Variants in TRHDE observed in about 807,000 individuals in gnomAD.
TRHDE encodes thyrotropin-releasing hormone-degrading ectoenzyme.
A neutral mutation model predicts 125.7 loss-of-function variants in TRHDE; 72 were observed. That is an observed-to-expected ratio of 0.57 (90% CI 0.47 to 0.70). TRHDE has a LOEUF of 0.70. Ranked by LOEUF, TRHDE falls within the 30% of genes least tolerant of loss-of-function variation. The probability of loss-of-function intolerance (pLI) is 0.00; values close to 1 mark genes in which losing one functional copy is unlikely to be tolerated. For missense variants in TRHDE, 1,110 were observed against 1,327.1 expected, an observed-to-expected ratio of 0.84 and a Z score of 2.54; for synonymous variants, 509 against 509.1, an observed-to-expected ratio of 1.00 and a Z score of 0.00.
At chr12:72,360,912 G>A (rs11179172) in intron 2 of TRHDE, among the ~76,000 whole-genome samples, 15,281 of 151,546 alleles carry the variant, frequency 0.1, 1,231 homozygotes, top group East Asian at 0.48. Context: ...GTGGTTTGCT[G>A]CACCTATCAA....
chr12:72,624,372 G>T (rs930733089), intron 15 of TRHDE, among the ~76,000 whole-genome samples: 6 of 151,774 alleles, frequency 4.0e-5, no homozygotes, highest in Admixed American at 2.6e-4. Flanking sequence ...GAATACTAGA[G>T]GTAATGTAGT....
chr12:72,445,140 T>C (rs1592450096), intron 3 of TRHDE, among the ~76,000 whole-genome samples: 1 of 151,836 alleles, frequency 6.6e-6, no homozygotes, highest in African/African-American at 2.4e-5. Flanking sequence ...TATCAGACAT[T>C]GAGCATGTTG....
chr12:72,100,962 G>A (rs1444359122), intron 1 of TRHDE, among the ~76,000 whole-genome samples: 5 of 152,186 alleles, frequency 3.3e-5, no homozygotes, highest in Non-Finnish European at 2.9e-5. Context: ...TCTTCTGGAT[G>A]CAAATAAAGC....
intron 15 of TRHDE, among the ~76,000 whole-genome samples, chr12:72,634,240 C>T (rs1183616091): frequency 6.6e-6 from 1 of 152,022 alleles, no homozygotes; most frequent in Non-Finnish European, 1.5e-5. Flanking sequence ...GCTTCATTAG[C>T]AGCAGACAAG....
intron 3 of TRHDE, among the ~76,000 whole-genome samples, chr12:72,423,006 G>A (rs376074720): frequency 6.2e-4 from 94 of 152,204 alleles, no homozygotes; most frequent in African/African-American, 2.2e-3. Context: ...TATTATAGCA[G>A]CAGAAAATGT....
chr12:72,173,431 G>A (rs1876919588), intron 2 of TRHDE, among the ~76,000 whole-genome samples: 1 of 152,126 alleles, frequency 6.6e-6, no homozygotes. Flanking sequence ...ATTCATAACA[G>A]GAGAAAGATG....
intron 2 of TRHDE, among the ~76,000 whole-genome samples, chr12:72,183,231 G>T (rs559763395): frequency 9.9e-4 from 151 of 152,242 alleles, no homozygotes; most frequent in African/African-American, 3.4e-3. Context: ...TTATGTACCC[G>T]ATAATCTTGA....
rs531524307 is a variant in TRHDE, at chr12:72,639,493, C to A, written c.2676-12829C>A. Among the ~76,000 whole-genome samples the A allele has an allele frequency of 5.3e-5, 8 of 152,336 alleles. No individual in the cohort carries two copies. In the South Asian group the frequency reaches 1.7e-3, roughly 32 times the overall value. On this transcript the variant is annotated intron_variant, in intron 15 of 18. Transcript: ENST00000261180. ...GAGTAATTTGATCATCTGAAGCCTT[C>A]TCTCAGCTCATCAAAGTCATTCTCC...
chr12:72,448,105 T>A (rs1875389143), intron 3 of TRHDE, among the ~76,000 whole-genome samples: 1 of 152,072 alleles, frequency 6.6e-6, no homozygotes, highest in Admixed American at 6.6e-5. Flanking sequence ...TGTTTCACTA[T>A]CTCCTTGCAG....
chr12:72,147,056 A>T (rs1275471329), intron 2 of TRHDE, among the ~76,000 whole-genome samples: 1 of 151,718 alleles, frequency 6.6e-6, no homozygotes, highest in East Asian at 1.9e-4. Flanking sequence ...CTGCTGCATC[A>T]TTCCGCCATC....
intron 7 of TRHDE, among the ~76,000 whole-genome samples, chr12:72,559,504 T>A (rs1870075730): frequency 6.6e-6 from 1 of 152,210 alleles, no homozygotes; most frequent in African/African-American, 2.4e-5. Flanking sequence ...AATAGAGTTT[T>A]AACTTTTAAT....
intron 3 of TRHDE, among the ~76,000 whole-genome samples, chr12:72,379,443 C>T (rs1872046224): frequency 6.6e-6 from 1 of 152,188 alleles, no homozygotes; most frequent in Admixed American, 6.5e-5. Flanking sequence ...CCCTGGTGGT[C>T]ACCCAAGGCA....
intron 15 of TRHDE, among the ~76,000 whole-genome samples, chr12:72,639,724 A>G (rs1296793676): frequency 6.6e-6 from 1 of 152,098 alleles, no homozygotes; most frequent in East Asian, 1.9e-4. Flanking sequence ...TCTAACAGAC[A>G]GGACCCTCAG....
intron 2 of TRHDE, among the ~76,000 whole-genome samples, chr12:72,374,328 TGTGTGA>T (rs1871774917): frequency 6.7e-6 from 1 of 148,884 alleles, no homozygotes; most frequent in South Asian, 2.1e-4. Flanking sequence ...TGTGTGTGTG[TGTGTGA>T]TATCAGGAGT....
At chr12:72,539,857 A>G (rs767264074) in intron 6 of TRHDE, among the ~76,000 whole-genome samples, 2 of 151,842 alleles carry the variant, frequency 1.3e-5, no homozygotes, top group Non-Finnish European at 2.9e-5. Context: ...TAGTATGTCT[A>G]CTTTTCATAA....
chr12:72,548,540 G>C (rs1050783081), intron 7 of TRHDE, among the ~76,000 whole-genome samples: 3 of 151,558 alleles, frequency 2.0e-5, no homozygotes, highest in African/African-American at 7.3e-5. Context: ...CTGATTCTAC[G>C]TAAGTAGAAT....
intron 2 of TRHDE, among the ~76,000 whole-genome samples, chr12:72,190,578 A>G (rs1199201826): frequency 6.6e-6 from 1 of 152,250 alleles, no homozygotes; most frequent in African/African-American, 2.4e-5. Flanking sequence ...AGTATGGGGA[A>G]GAAATATGTG....
rs368872911 is a variant in TRHDE at position 72,185,433 on chromosome 12, G to A, written n.279+79681G>A. On this transcript the variant is annotated intron_variant and non_coding_transcript_variant, in intron 2 of 4. Transcript: ENST00000548156. ...CACCCAAGGGCTGAGGAATGCGAGC[G>A]CACGGCGCAGGACTGGCAGGCAGCT... Among the ~76,000 whole-genome samples the A allele has an allele frequency of 4.6e-5, 7 of 152,386 alleles. No individual in the cohort carries two copies. In the South Asian group the frequency reaches 1.0e-3, roughly 23 times the overall value.
At chr12:72,187,474 GGTC>G (rs992572353) in intron 2 of TRHDE, among the ~76,000 whole-genome samples, 2 of 147,792 alleles carry the variant, frequency 1.4e-5, no homozygotes, top group Admixed American at 6.7e-5. Flanking sequence ...TGGTGGTTGT[GGTC>G]GTGGTGGTGG....
Sources: allele counts gnomAD v4.1 joint callset (sites outside exome capture counted in the v4.1 genomes callset), GRCh38; gene constraint gnomAD v4.1.1; transcripts MANE v1.5; gene names NCBI Gene and HGNC (gene_info 2026-07-23, HGNC 2026-07-21).